Variants in TSC2 observed in about 807,000 individuals in gnomAD.
TSC2 encodes the protein tuberin.
A neutral mutation model predicts 202.2 loss-of-function variants in TSC2; 29 were observed. The ratio of observed to expected loss-of-function variants is 0.14; its 90% confidence interval spans 0.11 to 0.20. The LOEUF (loss-of-function observed/expected upper bound fraction) is 0.20, where lower values mean the gene tolerates loss of function less well. TSC2 is among the 10% of genes least tolerant of loss of function. The pLI, the probability that TSC2 is intolerant of heterozygous loss-of-function variation, is 1.00. For synonymous variants in TSC2, 1,349 were observed against 1,044.0 expected (o/e 1.29, Z -5.63); for missense variants, 2,429 against 2,420.0 (o/e 1.00, Z -0.08).
rs1060504110 is a variant in TSC2, at chr16:2,048,729, T to C, written c.114T>C (p.Phe38=). Residue 38 remains phenylalanine, a synonymous_variant, in exon 2 of 42, where the codon TTT becomes TTC. Coordinates refer to ENST00000219476, the MANE Select transcript of TSC2 (RefSeq NM_000548.5). ...CTGCAGAGGGTAAACAGACGGAGTT[T>C]ATCATCACCGCGGAAATACTGAGAG... The part of the protein sequence containing the change: ...PRSAEGKQTE[F]IITAEILREL... The C allele has an allele frequency of 1.2e-6, 2 of 1,614,074 alleles. No homozygotes were observed. Among genetic ancestry groups the C allele is most frequent in the Non-Finnish European group, 1.7e-6 (2 of 1,180,026 alleles).
At chr16:2,085,726 GC>G (rs944546109) in intron 36 of TSC2, among the ~76,000 whole-genome samples, 28 of 152,356 alleles carry the variant, frequency 1.8e-4, no homozygotes, top group African/African-American at 6.7e-4. Flanking sequence ...TGCTGGGCGA[GC>G]ACGGGAGCCG....
rs1270679683 is a variant in TSC2 at position 2,071,820 on chromosome 16, C to T, written c.1983C>T (p.Gly661=). Residue 661 remains glycine, a synonymous_variant, in exon 19 of 42, where the codon GGC becomes GGT. Transcript: ENST00000219476. ...GAGGCTCTGAGAAGAAGACCAGCGGCCCCCTTTCTCCTCCCACAGGGCCTC... is the reference window on the plus strand; with the variant it reads ...GAGGCTCTGAGAAGAAGACCAGCGGTCCCCTTTCTCCTCCCACAGGGCCTC... ...PERGSEKKTS[G]PLSPPTGPPG... 3 of 1,600,278 alleles carry T rather than the reference C, an allele frequency of 1.9e-6. No individual in the cohort carries two copies. The highest frequency in any genetic ancestry group is 2.6e-6 in the Non-Finnish European group (3 of 1,174,158).
At position 2,078,708 on chromosome 16, in the gene TSC2, C is replaced by T. The variant is rs1468140099; in HGVS notation, c.2967-324C>T. On this transcript the variant is annotated intron_variant, in intron 26 of 41. Coordinates refer to ENST00000219476, the MANE Select transcript of TSC2 (RefSeq NM_000548.5). ...TCTGGGCCTGTCTGTGTGGCCTCCG[C>T]CTCTCTGCATGACTACACCGTTTCG... 14 of 422,462 alleles carry T rather than the reference C, an allele frequency of 3.3e-5. No homozygotes were observed. In the Admixed American group the frequency reaches 5.0e-4, roughly 15 times the overall value. 26.2% of individuals were successfully genotyped at this position (422,462 alleles called of 1,614,324 possible). A position where few individuals can be genotyped will look rare whatever the true frequency, so the allele number is the denominator to read the frequency against.
At position 2,062,950 on chromosome 16, in the gene TSC2, C is replaced by G. The variant is rs1190545932; in HGVS notation, c.1362-22C>G. 7 of 1,548,002 alleles carry G rather than the reference C, an allele frequency of 4.5e-6. No homozygotes were observed. The African/African-American group carries it at 9.6e-5, about 21-fold the overall frequency. Reference sequence around the variant, plus strand: ...TGTGGCCGGGCACTCCCCACCCGCCCCAGCAGGCTGCCGTCCCGCAGGAGC... The same window carrying G: ...TGTGGCCGGGCACTCCCCACCCGCCGCAGCAGGCTGCCGTCCCGCAGGAGC... On this transcript the variant is annotated intron_variant, in intron 13 of 41. Coordinates refer to ENST00000219476, the MANE Select transcript of TSC2 (RefSeq NM_000548.5).
intron 31 of TSC2, chr16:2,082,103 C>T: frequency 1.7e-6 from 1 of 589,546 alleles, no homozygotes; most frequent in Non-Finnish European, 3.0e-6. Context: ...GCCTCCCTCC[C>T]TGCCTGGGCC....
intron 14 of TSC2, 77 bp downstream of exon 14, chr16:2,063,130 T>TC (rs766513499): frequency 4.7e-6 from 7 of 1,485,998 alleles, no homozygotes; most frequent in Non-Finnish European, 6.4e-6. Context: ...GTGCACGTGC[T>TC]CCCGCAGAGC....
At chr16:2,057,043 G>C (rs1003948508) in intron 8 of TSC2, 62 bp from the exon 9 acceptor site, 1 of 1,543,030 alleles carries the variant, frequency 6.5e-7, no homozygotes, top group Non-Finnish European at 8.8e-7. Context: ...GGCCAGCAGC[G>C]GGACTGGGGC....
In TSC2 at chr16:2,088,280, C is replaced by G. The variant is rs761621735; in HGVS notation, c.5214C>G (p.Ser1738=). The G allele has an allele frequency of 1.2e-6, 2 of 1,613,036 alleles. No individual in the cohort carries two copies. The highest frequency in any genetic ancestry group is 2.7e-5 in the African/African-American group (2 of 75,058). The change falls in exon 41 of 42, where the codon TCC becomes TCG. Residue 1738 remains serine, a synonymous_variant. Transcript: ENST00000219476. The part of the protein sequence containing the change: ...SRSNPTDIYP[S]KWIARLRHIK... ...CCAACCCCACCGATATCTACCCCTCCAAGTGGATTGCCCGGCTCCGCCACA... is the reference window on the plus strand; with the variant it reads ...CCAACCCCACCGATATCTACCCCTCGAAGTGGATTGCCCGGCTCCGCCACA...
At chr16:2,061,802 C>T (rs1206640196) in intron 11 of TSC2, 69 bp from the exon 12 acceptor site, 16 of 1,611,750 alleles carry the variant, frequency 9.9e-6, no homozygotes, top group East Asian at 4.5e-5. Flanking sequence ...GGGTGTGTAG[C>T]GAGGCCTCTG....
chr16:2,087,298 G>C (rs1014306680), intron 38 of TSC2: 15 of 344,738 alleles, frequency 4.4e-5, no homozygotes, highest in South Asian at 3.4e-4. Flanking sequence ...AGCACGGTCC[G>C]GGTGAGCCCC....
chr16:2,053,180 C>A (rs1033389936), intron 3 of TSC2, among the ~76,000 whole-genome samples, 162 bp from the exon 4 acceptor site: 1 of 152,188 alleles, frequency 6.6e-6, no homozygotes, highest in African/African-American at 2.4e-5. Flanking sequence ...GTGGTCATCT[C>A]AGGCTGCAGG....
chr16:2,088,501 C>G lies in TSC2; in HGVS notation c.5315C>G (p.Ser1772Cys). 6.2e-7 allele frequency: 1 copy of G among 1,612,896 alleles called. No individual in the cohort carries two copies. The highest frequency in any genetic ancestry group is 8.5e-7 in the Non-Finnish European group (1 of 1,180,012). ...AGCCTACCTCTGGTGCACCCTCCGT[C>G]CCATAGCAAAGCCCCTGCACAGACT... Reference protein sequence around the residue: ...NPSLPLVHPPSHSKAPAQTPA... With the variant: ...NPSLPLVHPPCHSKAPAQTPA... Residue 1772 changes from serine to cysteine, a missense_variant, in exon 42 of 42, where the codon TCC becomes TGC. Transcript: ENST00000219476.
Position 2,079,247 on chromosome 16 carries a change from A to G in TSC2, c.3132-29A>G, listed in dbSNP as rs2151436341. The G allele has an allele frequency of 6.2e-7, 1 of 1,612,896 alleles. No individual in the cohort carries two copies. The highest frequency in any genetic ancestry group is 2.2e-5 in the East Asian group (1 of 44,878). On this transcript the variant is annotated intron_variant, in intron 27 of 41. Transcript: ENST00000219476. This position sits in a 1 kb window ranked among gnomAD's most constrained non-coding sequence, Gnocchi z 4.6. ...CGGGCCTGCGGGAGCTCCACGGGCA[A>G]GCTGGGTTTCACGCTCCCTGTCTTC...
In TSC2 at chr16:2,048,003, G is replaced by A; in HGVS notation, c.-92G>A. On this transcript the variant is annotated 5_prime_UTR_variant, in exon 1 of 42. Coordinates refer to ENST00000219476, the MANE Select transcript of TSC2 (RefSeq NM_000548.5). ...GGGTCGCGCTTCCGGCGGCGTCCCGGGGCCAGGGGGGTGCGCCTTTCTCCG... is the reference window on the plus strand; with the variant it reads ...GGGTCGCGCTTCCGGCGGCGTCCCGAGGCCAGGGGGGTGCGCCTTTCTCCG... 3 of 1,487,138 alleles carry A rather than the reference G, an allele frequency of 2.0e-6. No individual in the cohort carries two copies. Among genetic ancestry groups the A allele is most frequent in the Non-Finnish European group, 2.7e-6 (3 of 1,121,630 alleles). 92.1% of individuals were successfully genotyped at this position (1,487,138 alleles called of 1,614,324 possible). A position where few individuals can be genotyped will look rare whatever the true frequency, so the allele number is the denominator to read the frequency against.
chr16:2,063,642 C>A, intron 14 of TSC2: 1 of 223,920 alleles, frequency 4.5e-6, no homozygotes, highest in Non-Finnish European at 9.0e-6. Context: ...GAGCTGCCCA[C>A]TCTGCTCCTC....
chr16:2,054,055 G>A lies in TSC2; in HGVS notation c.337-241G>A, dbSNP rs985334055. 8.1e-5 allele frequency: 48 copies of A among 591,194 alleles called. 1 individual carries two copies. The East Asian group carries it at 1.2e-3, about 15-fold the overall frequency. The allele number at this position is 591,194 out of a possible 1,614,324, so 36.6% of individuals were successfully genotyped here. A position where few individuals can be genotyped will look rare whatever the true frequency, so the allele number is the denominator to read the frequency against. On this transcript the variant is annotated intron_variant, in intron 4 of 41. Coordinates refer to ENST00000219476, the MANE Select transcript of TSC2 (RefSeq NM_000548.5). ...TGTCATCCCCTGCTCTGCGCCACCCGCTGTGCCAGGTCCCGACACACAGCA... is the reference window on the plus strand; with the variant it reads ...TGTCATCCCCTGCTCTGCGCCACCCACTGTGCCAGGTCCCGACACACAGCA...
In TSC2 at chr16:2,079,357, A is replaced by T. The variant is rs553534593; in HGVS notation, c.3213A>T (p.Thr1071=). The change falls in exon 28 of 42, where the codon ACA becomes ACT. Residue 1071 remains threonine (T), a synonymous_variant. Coordinates refer to ENST00000219476, the MANE Select transcript of TSC2 (RefSeq NM_000548.5). The surrounding 1 kb of genome is among the most constrained non-coding windows in gnomAD (Gnocchi z 4.6). ...GGAACAAGCTTGTCACTGTGACGAC[A>T]AGCGTGGGAACCGGGACCCGGTCGT... is the stretch of plus-strand genomic sequence containing the variant. ...LVGNKLVTVT[T]SVGTGTRSLL... 6.2e-7 allele frequency: 1 copy of T among 1,612,926 alleles called. No homozygotes were observed. Among genetic ancestry groups the T allele is most frequent in the South Asian group, 1.1e-5 (1 of 91,078 alleles).
At chr16:2,057,889 C>T (rs1252154329) in intron 9 of TSC2, among the ~76,000 whole-genome samples, 2 of 562 alleles carry the variant, frequency 3.6e-3, no homozygotes, top group African/African-American at 0.028. Context: ...AGCCCTGCCT[C>T]GGCCCCTGCA....
At chr16:2,070,979 A>G (rs560968926) in intron 17 of TSC2, among the ~76,000 whole-genome samples, 7,913 of 151,302 alleles carry the variant, frequency 0.052, 714 homozygotes, top group African/African-American at 0.18. Flanking sequence ...GAGAGGGCAG[A>G]GCTGAGAGGG....
Sources: gnomAD v4.1 joint callset for allele counts (sites outside exome capture counted in the v4.1 genomes callset) on GRCh38, gnomAD v4.1.1 for gene constraint, Gnocchi (gnomAD v3.1) non-coding constraint, MANE v1.5 for transcripts, NCBI Gene and HGNC (gene_info 2026-07-23, HGNC 2026-07-21) for gene names.